Variants in C1orf202 observed in about 807,000 individuals in gnomAD.
The protein encoded by C1orf202 is chromosome 1 open reading frame 202, also known as uncharacterized protein C1orf202.
At chr1:244,730,651 C>T in the C1orf202 span, 3 of 385,428 alleles carry the variant, frequency 7.8e-6, no homozygotes, top group East Asian at 1.1e-4. Context: ...GAAGCAGCCT[C>T]TGCAGGCTCG....
At chr1:244,730,339 G>A in the C1orf202 span, 895 of 286,618 alleles carry the variant, frequency 3.1e-3, 7 homozygotes, top group African/African-American at 0.018. Context: ...AACATTGCAT[G>A]TGCTTTCATT....
At chr1:244,729,801 T>C in the C1orf202 span, 59,676 of 151,700 alleles carry the variant, frequency 0.39, 12,148 homozygotes, top group East Asian at 0.67. Flanking sequence ...AGTCTAGCCC[T>C]GGTTTCCAAA....
the C1orf202 span, chr1:244,730,896 G>C: frequency 3.8e-3 from 1,468 of 383,904 alleles, 24 homozygotes; most frequent in African/African-American, 0.028. Context: ...CCGCCGCGCC[G>C]GGGGCCACCA....
At chr1:244,730,274 C>G in the C1orf202 span, 1 of 226,972 alleles carries the variant, frequency 4.4e-6, no homozygotes, top group Non-Finnish European at 8.5e-6. Context: ...GGACGCGGCT[C>G]GTTTAGCTCG....
chr1:244,730,193 C>G, the C1orf202 span: 1 of 218,924 alleles, frequency 4.6e-6, no homozygotes, highest in Non-Finnish European at 8.9e-6. Flanking sequence ...GGGGGGAACC[C>G]AGGGCTCCGC....
the C1orf202 span, chr1:244,730,836 G>C: frequency 1.1e-5 from 4 of 379,726 alleles, no homozygotes; most frequent in African/African-American, 2.1e-5. Context: ...CCGCGCGGAG[G>C]GGGGCCCCGC....
the C1orf202 span, chr1:244,730,385 T>C: frequency 2.9e-6 from 1 of 345,032 alleles, no homozygotes; most frequent in Non-Finnish European, 5.2e-6. Flanking sequence ...TTATTGCTTT[T>C]GTTGACCAAA....
the C1orf202 span, chr1:244,730,075 A>G: frequency 6.5e-6 from 1 of 153,350 alleles, no homozygotes; most frequent in African/African-American, 2.4e-5. Context: ...CTCAAAAAAA[A>G]GGCATTGCAG....
the C1orf202 span, chr1:244,730,654 C>A: frequency 5.2e-6 from 2 of 385,080 alleles, no homozygotes. Context: ...GCAGCCTCTG[C>A]AGGCTCGAGG....
the C1orf202 span, chr1:244,730,008 C>T: frequency 6.6e-6 from 1 of 151,446 alleles, no homozygotes; most frequent in Admixed American, 6.6e-5. Context: ...TCGCTTGACC[C>T]CAGGAGTTTG....
the C1orf202 span, chr1:244,730,502 C>T: frequency 2.8e-6 from 1 of 353,358 alleles, no homozygotes; most frequent in East Asian, 4.1e-5. Flanking sequence ...CGCGGGCCGC[C>T]CGGGGACGCT....
the C1orf202 span, chr1:244,730,105 A>C: frequency 2.0e-5 from 3 of 152,334 alleles, no homozygotes; most frequent in African/African-American, 5.2e-5. Context: ...ACCGTTTCCC[A>C]CCTTCTCCCC....
chr1:244,730,867 C>T, the C1orf202 span: 2 of 384,682 alleles, frequency 5.2e-6, no homozygotes, highest in Non-Finnish European at 9.2e-6. Flanking sequence ...CCGCCTTCTC[C>T]AGCAGCTCGT....
At chr1:244,730,043 G>GT in the C1orf202 span, 933 of 31,558 alleles carry the variant, frequency 0.03, 5 homozygotes, top group Middle Eastern at 0.056. Flanking sequence ...AACATAGTTG[G>GT]TTTTTTTTTT....
At chr1:244,730,916 G>A in the C1orf202 span, 2 of 384,528 alleles carry the variant, frequency 5.2e-6, no homozygotes, top group Non-Finnish European at 4.6e-6. Context: ...AAACCGGGGG[G>A]CCGCCATGGC....
At chr1:244,730,345 T>C in the C1orf202 span, 4 of 294,822 alleles carry the variant, frequency 1.4e-5, no homozygotes, top group African/African-American at 2.2e-5. Context: ...GCATGTGCTT[T>C]CATTCCTACG....
At chr1:244,730,632 CCAGCCTCTGAAG>C in the C1orf202 span, 1 of 385,896 alleles carries the variant, frequency 2.6e-6, no homozygotes. Context: ...CTCCACGTCG[CCAGCCTCTGAAG>C]CAGCCTCTGC....
the C1orf202 span, chr1:244,730,863 TCTCCAGCAG>T: frequency 7.8e-6 from 3 of 383,656 alleles, no homozygotes; most frequent in Non-Finnish European, 1.4e-5. Flanking sequence ...CGCGCCGCCT[TCTCCAGCAG>T]CTCGTGCTGC....
At chr1:244,730,673 A>G in the C1orf202 span, 1 of 384,238 alleles carries the variant, frequency 2.6e-6, no homozygotes, top group East Asian at 3.7e-5. Context: ...GGGGCCCCAC[A>G]GGCCGCGCTC....
Sources: allele counts gnomAD v4.1 joint callset, GRCh38; gene constraint gnomAD v4.1.1; transcripts MANE v1.5; gene names NCBI Gene and HGNC (gene_info 2026-07-23, HGNC 2026-07-21).